Variants in HDGFL3 observed in about 807,000 individuals in gnomAD.
HDGFL3 encodes the protein HDGF like 3.
A neutral mutation model predicts 27.6 loss-of-function variants in HDGFL3; 6 were observed. That is an observed-to-expected ratio of 0.22 (90% CI 0.12 to 0.43). The LOEUF is 0.43. Ranked by LOEUF, HDGFL3 falls within the 20% of genes least tolerant of loss-of-function variation. The pLI is 1.00. For missense variants in HDGFL3, 207 were observed against 250.1 expected, an observed-to-expected ratio of 0.83 and a Z score of 1.16; for synonymous variants, 88 against 88.9, an observed-to-expected ratio of 0.99 and a Z score of 0.05.
intron 1 of HDGFL3, among the ~76,000 whole-genome samples, chr15:83,198,931 AAAAT>A (rs1442243788): frequency 6.6e-6 from 1 of 152,212 alleles, no homozygotes; most frequent in Non-Finnish European, 1.5e-5. Flanking sequence ...GGATCATATA[AAAAT>A]CTCAGCAGTG....
At chr15:83,119,406 G>C (rs1226936858) in intron 3 of HDGFL3, among the ~76,000 whole-genome samples, 1 of 152,222 alleles carries the variant, frequency 6.6e-6, no homozygotes, top group Non-Finnish European at 1.5e-5. Context: ...GGTTTTGGCA[G>C]CTCCAGCGTA....
intron 3 of HDGFL3, chr15:83,119,774 G>A: frequency 6.3e-7 from 1 of 1,578,566 alleles, no homozygotes; most frequent in Non-Finnish European, 8.6e-7. Context: ...AAATACACAA[G>A]CAGGTATACT....
rs1567157621 is a variant in HDGFL3 at position 83,132,238 on chromosome 15, C to T, written c.*7032G>A. ...GCTACTATTACTGGTAGAAGATTCCCAGTAAGAATTTGGAGATATGCCTTA... is the reference window on the plus strand; with the variant it reads ...GCTACTATTACTGGTAGAAGATTCCTAGTAAGAATTTGGAGATATGCCTTA... On this transcript the variant is annotated 3_prime_UTR_variant, in exon 6 of 6. Coordinates refer to ENST00000299633, the MANE Select transcript of HDGFL3 (RefSeq NM_016073.4). The T allele has an allele frequency of 6.6e-6, 1 of 152,236 alleles. No homozygotes were observed. The allele number at this position is 152,236 out of a possible 1,614,324, so 9.4% of individuals were successfully genotyped here.
chr15:83,160,872 C>T (rs752713167), intron 2 of HDGFL3, among the ~76,000 whole-genome samples: 67 of 152,268 alleles, frequency 4.4e-4, no homozygotes, highest in Admixed American at 7.8e-4. Context: ...GACCCCAGAG[C>T]GGTTTAAGAA....
chr15:83,194,878 T>C (rs1458769978), intron 1 of HDGFL3, among the ~76,000 whole-genome samples: 1 of 152,190 alleles, frequency 6.6e-6, no homozygotes, highest in African/African-American at 2.4e-5. Flanking sequence ...TCTTAAATCT[T>C]ATGTCTCAGA....
At chr15:83,170,876 C>CA (rs34510031) in intron 1 of HDGFL3, among the ~76,000 whole-genome samples, 22,523 of 77,456 alleles carry the variant, frequency 0.29, 1,992 homozygotes, top group Admixed American at 0.38. Context: ...ATTCAACAAG[C>CA]AAAAAAAAAA....
chr15:83,137,061 T>C lies in HDGFL3; in HGVS notation c.*2209A>G, dbSNP rs2151391366. On this transcript the variant is annotated 3_prime_UTR_variant, in exon 6 of 6. Coordinates refer to ENST00000299633, the MANE Select transcript of HDGFL3 (RefSeq NM_016073.4). ...AAAATTCAAAACAGTGAATGCAGACTGGAGGAGTAACTTTTGCAAATAAGA... is the reference window on the plus strand; with the variant it reads ...AAAATTCAAAACAGTGAATGCAGACCGGAGGAGTAACTTTTGCAAATAAGA... The C allele has an allele frequency of 6.5e-6, 1 of 154,242 alleles. No homozygotes were observed. Among genetic ancestry groups the C allele is most frequent in the Middle Eastern group, 3.4e-3 (1 of 294 alleles). 9.6% of individuals were successfully genotyped at this position (154,242 alleles called of 1,614,324 possible). A position where few individuals can be genotyped will look rare whatever the true frequency, so the allele number is the denominator to read the frequency against.
chr15:83,192,693 G>C (rs1192803719), intron 1 of HDGFL3, among the ~76,000 whole-genome samples: 1 of 152,098 alleles, frequency 6.6e-6, no homozygotes, highest in Non-Finnish European at 1.5e-5. Context: ...AAAAATCCTA[G>C]GCATAAAACA....
At chr15:83,122,872 C>A (rs772418294), downstream of HDGFL3, 63 of 1,613,760 alleles carry the variant, frequency 3.9e-5, no homozygotes, top group Non-Finnish European at 4.9e-5. Flanking sequence ...ATAATTACCC[C>A]TCAAAGGTGA....
chr15:83,157,324 C>T (rs1320334326), intron 4 of HDGFL3, 91 bp downstream of exon 4: 1 of 1,276,088 alleles, frequency 7.8e-7, no homozygotes, highest in African/African-American at 1.5e-5. Context: ...TAGTATATTT[C>T]TATGTACCCA....
Position 83,136,184 on chromosome 15 carries a change from G to A in HDGFL3, c.*3086C>T, listed in dbSNP as rs997610214. The A allele has an allele frequency of 6.1e-5, 15 of 245,904 alleles. No homozygotes were observed. The highest frequency in any genetic ancestry group is 9.2e-5 in the Non-Finnish European group (12 of 130,154). The allele number at this position is 245,904 out of a possible 1,614,324, so 15.2% of individuals were successfully genotyped here. On this transcript the variant is annotated 3_prime_UTR_variant, in exon 6 of 6. Transcript: ENST00000299633. ...TTTTCTATTAGATTGAGCCACTAAT[G>A]TTCGGTAAGGGGCACTTGATGGTTA...
rs759068015 is a variant in HDGFL3, at chr15:83,115,876, G to A, written c.394-135C>T. 12 of 1,614,042 alleles carry A rather than the reference G, an allele frequency of 7.4e-6. No individual in the cohort carries two copies. The South Asian group carries it at 1.3e-4, about 18-fold the overall frequency. On this transcript the variant is annotated intron_variant, in intron 3 of 3. Transcript: ENST00000568294. ...CAGTTTTTGGATTTACCAGCGTGGTGAACCTCATCATAGGACTGGAGCAAG... is the reference window on the plus strand; with the variant it reads ...CAGTTTTTGGATTTACCAGCGTGGTAAACCTCATCATAGGACTGGAGCAAG...
intron 4 of HDGFL3, among the ~76,000 whole-genome samples, chr15:83,152,450 C>T (rs2036975433): frequency 6.6e-6 from 1 of 152,176 alleles, no homozygotes; most frequent in South Asian, 2.1e-4. Flanking sequence ...CCTTTAATCT[C>T]AGCACTTTGG....
intron 4 of HDGFL3, among the ~76,000 whole-genome samples, chr15:83,152,632 T>G (rs1596549413): frequency 7.2e-6 from 1 of 139,626 alleles, no homozygotes; most frequent in East Asian, 2.1e-4. Context: ...ACCTGGGAGG[T>G]GGAGGTTGCA....
At chr15:83,199,127 G>A (rs1285873385) in intron 1 of HDGFL3, among the ~76,000 whole-genome samples, 2 of 152,120 alleles carry the variant, frequency 1.3e-5, no homozygotes, top group African/African-American at 4.8e-5. Flanking sequence ...GTCCAGGGAA[G>A]GAGATAAGAG....
intron 1 of HDGFL3, among the ~76,000 whole-genome samples, chr15:83,164,635 T>C (rs2037146203): frequency 6.6e-6 from 1 of 152,210 alleles, no homozygotes; most frequent in Non-Finnish European, 1.5e-5. Context: ...GTCTATAGCT[T>C]CTCATTGCTT....
intron 1 of HDGFL3, among the ~76,000 whole-genome samples, chr15:83,202,441 A>T (rs2037659200): frequency 6.6e-6 from 1 of 152,158 alleles, no homozygotes; most frequent in Non-Finnish European, 1.5e-5. Context: ...ACAGGCTGAA[A>T]CCAGAACTCA....
chr15:83,147,798 T>C (rs1357912765), intron 5 of HDGFL3, among the ~76,000 whole-genome samples: 1 of 152,096 alleles, frequency 6.6e-6, no homozygotes, highest in African/African-American at 2.4e-5. Flanking sequence ...ACAATAAAAT[T>C]TAAAAAGTCT....
At chr15:83,170,983 T>C (rs1481658902) in intron 1 of HDGFL3, among the ~76,000 whole-genome samples, 1 of 151,650 alleles carries the variant, frequency 6.6e-6, no homozygotes, top group Admixed American at 6.6e-5. Context: ...AAACTTGTCA[T>C]TAATCATCAG....
Sources: allele counts gnomAD v4.1 joint callset (sites outside exome capture counted in the v4.1 genomes callset), GRCh38; gene constraint gnomAD v4.1.1; transcripts MANE v1.5; gene names NCBI Gene and HGNC (gene_info 2026-07-23, HGNC 2026-07-21).